COL19A1: variants seen among roughly 807,000 people sequenced by gnomAD.
COL19A1 encodes the protein collagen alpha-1(XIX) chain.
Under a neutral mutation model 190.2 loss-of-function variants are expected in COL19A1, and 159 were observed. The observed-to-expected ratio is 0.84, with a 90% CI of 0.73 to 0.95. The LOEUF (loss-of-function observed/expected upper bound fraction) is 0.95. Among genes scored for constraint, COL19A1 ranks in the 40% least tolerant of loss-of-function variants. COL19A1 has a pLI of 0.00. For missense variants in COL19A1, 1,418 were observed against 1,431.9 expected, an observed-to-expected ratio of 0.99 and a Z score of 0.16; for synonymous variants, 509 against 458.9, an observed-to-expected ratio of 1.11 and a Z score of -1.39.
chr6:70,121,264 G>A (rs1318674552), intron 16 of COL19A1, among the ~76,000 whole-genome samples: 2 of 152,072 alleles, frequency 1.3e-5, no homozygotes, highest in East Asian at 1.9e-4. Flanking sequence ...ACAGCCAAAT[G>A]TATTTGCTTC....
intron 40 of COL19A1, 125 bp downstream of exon 40, chr6:70,168,806 A>G: frequency 2.1e-6 from 2 of 932,480 alleles, no homozygotes; most frequent in Non-Finnish European, 3.3e-6. Context: ...GGTGGTGACA[A>G]GCAGGCCACA....
rs576555418 is a variant in COL19A1 at position 69,950,467 on chromosome 6, G to A, written c.937-9529G>A. Among the ~76,000 whole-genome samples the A allele has an allele frequency of 1.1e-3, 164 of 151,840 alleles. 5 individuals are homozygous for A. The South Asian group carries it at 0.034, about 31-fold the overall frequency. On this transcript the variant is annotated intron_variant, in intron 9 of 50. Coordinates refer to ENST00000620364, the MANE Select transcript of COL19A1 (RefSeq NM_001858.6). ...GTCCCCTTTACATTTATTCAGAACA[G>A]CTATGATTTTGCCTAAGAGATTCGG...
At position 70,209,263 on chromosome 6, in the gene COL19A1, TG is replaced by T. The variant is rs1768056730; in HGVS notation, c.*1990del. 2 of 152,540 alleles carry T rather than the reference TG, an allele frequency of 1.3e-5. No homozygotes were observed. Among genetic ancestry groups the T allele is most frequent in the East Asian group, 3.9e-4 (2 of 5,190 alleles). 9.4% of individuals were successfully genotyped at this position (152,540 alleles called of 1,614,324 possible). A position where few individuals can be genotyped will look rare whatever the true frequency, so the allele number is the denominator to read the frequency against. On this transcript the variant is annotated 3_prime_UTR_variant, in exon 51 of 51. Coordinates refer to ENST00000620364, the MANE Select transcript of COL19A1 (RefSeq NM_001858.6). ...CCACTCATATTAATTTACTTGAATT[TG>T]TCATAAAGCTAAATATTTTATATGT...
intron 17 of COL19A1, among the ~76,000 whole-genome samples, chr6:70,124,135 A>G (rs915615532): frequency 3.3e-5 from 5 of 152,114 alleles, no homozygotes; most frequent in Admixed American, 6.5e-5. Context: ...GGCTTTTTCA[A>G]AATATTAAGG....
At chr6:69,921,193 T>G (rs183011484) in intron 4 of COL19A1, among the ~76,000 whole-genome samples, 1 of 131,300 alleles carries the variant, frequency 7.6e-6, no homozygotes, top group East Asian at 2.1e-4. Flanking sequence ...TATTCATATA[T>G]ATATCACATA....
At chr6:69,955,863 G>T (rs549560361) in intron 9 of COL19A1, among the ~76,000 whole-genome samples, 1 of 151,962 alleles carries the variant, frequency 6.6e-6, no homozygotes, top group Admixed American at 6.6e-5. Context: ...GCAAAATATG[G>T]GGAAGGTTAA....
At chr6:69,913,806 C>T (rs1376790941) in intron 4 of COL19A1, among the ~76,000 whole-genome samples, 2 of 152,090 alleles carry the variant, frequency 1.3e-5, no homozygotes, top group Non-Finnish European at 2.9e-5. Flanking sequence ...AAAAAAACAG[C>T]TGAGCGCATA....
intron 14 of COL19A1, among the ~76,000 whole-genome samples, chr6:70,062,796 C>G (rs926674474): frequency 6.6e-6 from 1 of 151,856 alleles, no homozygotes; most frequent in Non-Finnish European, 1.5e-5. Flanking sequence ...ATCTACCAAG[C>G]AAATGGAAAA....
intron 11 of COL19A1, among the ~76,000 whole-genome samples, chr6:69,964,778 T>A (rs1023987933): frequency 5.3e-5 from 8 of 152,172 alleles, no homozygotes; most frequent in African/African-American, 1.9e-4. Context: ...TGAATGAGAA[T>A]CCCAATTTAG....
At chr6:70,147,423 A>G (rs1012907551) in intron 27 of COL19A1, among the ~76,000 whole-genome samples, 10 of 152,258 alleles carry the variant, frequency 6.6e-5, no homozygotes, top group Middle Eastern at 3.4e-3. Flanking sequence ...CCTATTAATA[A>G]TGACCACTAT....
intron 48 of COL19A1, among the ~76,000 whole-genome samples, chr6:70,193,364 T>TCA (rs1766999348): frequency 6.6e-6 from 1 of 152,202 alleles, no homozygotes; most frequent in Non-Finnish European, 1.5e-5. Flanking sequence ...CTCACCAGAC[T>TCA]TCTGCTTTCT....
intron 16 of COL19A1, among the ~76,000 whole-genome samples, chr6:70,113,279 G>A (rs1384360733): frequency 1.3e-5 from 2 of 152,186 alleles, no homozygotes; most frequent in African/African-American, 4.8e-5. Flanking sequence ...ATTCCCAAAA[G>A]ATGTCCTTGA....
chr6:70,054,882 AT>A (rs1780404801), intron 14 of COL19A1, among the ~76,000 whole-genome samples: 1 of 152,318 alleles, frequency 6.6e-6, no homozygotes, highest in Middle Eastern at 3.4e-3. Flanking sequence ...TTTAAAATAT[AT>A]TTTAAACTGG....
chr6:70,169,606 G>T (rs959352680), intron 40 of COL19A1, among the ~76,000 whole-genome samples: 2 of 152,010 alleles, frequency 1.3e-5, no homozygotes, highest in African/African-American at 4.8e-5. Flanking sequence ...TTGTTATTGG[G>T]CAATATATAT....
At chr6:69,960,083 C>A (rs747665065) in intron 10 of COL19A1, 43 bp downstream of exon 10, 64 of 1,560,898 alleles carry the variant, frequency 4.1e-5, no homozygotes, top group Non-Finnish European at 5.4e-5. Context: ...AGAATTTTAA[C>A]GTGTTAAAAA....
chr6:70,127,457 T>C (rs1785270331), intron 17 of COL19A1, among the ~76,000 whole-genome samples: 1 of 152,110 alleles, frequency 6.6e-6, no homozygotes, highest in African/African-American at 2.4e-5. Context: ...TGACTCTGTC[T>C]CTTAAGAGAA....
intron 48 of COL19A1, among the ~76,000 whole-genome samples, chr6:70,198,185 T>C (rs1012219259): frequency 1.3e-5 from 2 of 152,246 alleles, no homozygotes; most frequent in African/African-American, 4.8e-5. Context: ...TTGGGCTTTG[T>C]GTTTTCTAAC....
chr6:69,945,614 A>T (rs1773745722), intron 9 of COL19A1, among the ~76,000 whole-genome samples: 1 of 152,000 alleles, frequency 6.6e-6, no homozygotes. Flanking sequence ...AGAAATAATA[A>T]TGTTTCTTTA....
intron 2 of COL19A1, among the ~76,000 whole-genome samples, chr6:69,896,381 C>G (rs1379766658): frequency 6.6e-6 from 1 of 151,044 alleles, no homozygotes; most frequent in Admixed American, 6.6e-5. Flanking sequence ...ACTAAAAATA[C>G]AAAAAATTAG....
Sources: gnomAD v4.1 joint callset for allele counts (sites outside exome capture counted in the v4.1 genomes callset) on GRCh38, gnomAD v4.1.1 for gene constraint, MANE v1.5 for transcripts, NCBI Gene and HGNC (gene_info 2026-07-23, HGNC 2026-07-21) for gene names.